CCDC102A: variants seen among roughly 807,000 people sequenced by gnomAD.
CCDC102A encodes coiled-coil domain containing 102A, also known as coiled-coil domain-containing protein 102A.
A neutral mutation model predicts 55.5 loss-of-function variants in CCDC102A; 40 were observed. The observed-to-expected ratio is 0.72, with a 90% confidence interval of 0.56 to 0.94. The LOEUF (loss-of-function observed/expected upper bound fraction) is 0.94, where lower values mean the gene tolerates loss of function less well. Among genes scored for constraint, CCDC102A ranks in the 40% least tolerant of loss-of-function variants. CCDC102A has a pLI of 0.00. For synonymous variants in CCDC102A, 323 were observed against 339.0 expected, an observed-to-expected ratio of 0.95 and a Z score of 0.52; for missense variants, 779 against 768.6, an observed-to-expected ratio of 1.01 and a Z score of -0.16.
In CCDC102A at chr16:57,528,760, G is replaced by T. The variant is rs192319254; in HGVS notation, c.418C>A (p.Arg140=). 3.0e-3 allele frequency: 3,583 copies of T among 1,180,394 alleles called. 94 individuals carry two copies. In the African/African-American group the frequency reaches 0.056, roughly 18 times the overall value. The allele number at this position is 1,180,394 out of a possible 1,614,324, so 73.1% of individuals were successfully genotyped here. The change falls in exon 2 of 9, where the codon CGG becomes AGG. Residue 140 remains arginine (R), a synonymous_variant. Transcript: ENST00000258214. ...DALTKELAGA[R]RERQEAQGEC... The stretch of plus-strand genomic sequence containing the variant: ...CCCTGCGCCTCTTGGCGCTCGCGCC[G>T]TGCGCCCGCCAGCTCCTTGGTGAGC...
chr16:57,536,223 G>A (rs2032383511), intron 1 of CCDC102A, among the ~76,000 whole-genome samples: 1 of 142,466 alleles, frequency 7.0e-6, no homozygotes, highest in African/African-American at 2.6e-5. Context: ...CCTCCCGTCC[G>A]GCCCGGGCCG....
intron 1 of CCDC102A, among the ~76,000 whole-genome samples, chr16:57,533,453 CACAT>C (rs1308210625): frequency 5.3e-5 from 8 of 152,082 alleles, no homozygotes; most frequent in Non-Finnish European, 8.8e-5. Flanking sequence ...GACACACACT[CACAT>C]ACAGCCCCAG....
rs768517258 is a variant in CCDC102A at position 57,529,785 on chromosome 16, T to C, written c.-147-461A>G. Among the ~76,000 whole-genome samples the C allele has an allele frequency of 7.9e-5, 12 of 152,172 alleles. No homozygotes were observed. Among genetic ancestry groups the C allele is most frequent in the Non-Finnish European group, 1.5e-4 (10 of 68,032 alleles). On this transcript the variant is annotated intron_variant, in intron 1 of 8. Coordinates refer to ENST00000258214, the MANE Select transcript of CCDC102A (RefSeq NM_033212.4). This position sits in a 1 kb window ranked among gnomAD's most constrained non-coding sequence, Gnocchi z 4.1. ...TCAGGCCAGGTCCATCAGCCCCTTA[T>C]GTGTCTCCATCACTGCACTAACTTA...
At position 57,528,595 on chromosome 16, in the gene CCDC102A, G is replaced by A; in HGVS notation, c.583C>T (p.Gln195Ter). ...DVGSERPPGS[Q>*]ELELVESLLK... ...AACGCCCCGCCCGCGCCGCGCACCTGGCTGCCTGGCGGCCTCTCGGACCCG... is the reference window on the plus strand; with the variant it reads ...AACGCCCCGCCCGCGCCGCGCACCTAGCTGCCTGGCGGCCTCTCGGACCCG... The change falls in exon 2 of 9, where the codon CAG becomes TAG. Residue 195 changes from glutamine (Q) to a stop codon, truncating the protein, a stop_gained and splice_region_variant. Coordinates refer to ENST00000258214, the MANE Select transcript of CCDC102A (RefSeq NM_033212.4). LOFTEE classifies it high-confidence loss of function. 1 of 1,257,270 alleles carries A rather than the reference G, an allele frequency of 8.0e-7. No individual in the cohort carries two copies. Among genetic ancestry groups the A allele is most frequent in the Non-Finnish European group, 1.0e-6 (1 of 994,130 alleles). 77.9% of individuals were successfully genotyped at this position (1,257,270 alleles called of 1,614,324 possible). A position where few individuals can be genotyped will look rare whatever the true frequency, so the allele number is the denominator to read the frequency against.
intron 3 of CCDC102A, among the ~76,000 whole-genome samples, chr16:57,521,944 T>C (rs2032058500): frequency 6.6e-6 from 1 of 152,220 alleles, no homozygotes; most frequent in South Asian, 2.1e-4. Context: ...GTAGGAGGCA[T>C]GTTGAAAACC....
chr16:57,524,165 G>A (rs373214132), intron 3 of CCDC102A, among the ~76,000 whole-genome samples: 53 of 152,056 alleles, frequency 3.5e-4, no homozygotes, highest in African/African-American at 1.3e-3. Flanking sequence ...GCCTTGCAGG[G>A]AACATAGTCT....
In CCDC102A at chr16:57,518,675, GCTCAT is replaced by G; in HGVS notation, c.983_987del (p.Asp328AlafsTer43). ...CGGTCCATGCTGGAGCGTGCACCGA[GCTCAT>G]CTTCCAGGTCCTCAGACATGCGGCC... On this transcript the variant is annotated frameshift_variant, in exon 5 of 9. Coordinates refer to ENST00000258214, the MANE Select transcript of CCDC102A (RefSeq NM_033212.4). LOFTEE classifies it high-confidence loss of function. 1 of 1,613,820 alleles carries G rather than the reference GCTCAT, an allele frequency of 6.2e-7. No homozygotes were observed.
At chr16:57,526,658 C>T (rs1293658711) in intron 2 of CCDC102A, among the ~76,000 whole-genome samples, 3 of 152,164 alleles carry the variant, frequency 2.0e-5, no homozygotes, top group African/African-American at 7.2e-5. Flanking sequence ...TGCCCTTCTT[C>T]TCCGCCCCGC....
At chr16:57,535,077 T>C (rs1255133713) in intron 1 of CCDC102A, among the ~76,000 whole-genome samples, 1 of 152,160 alleles carries the variant, frequency 6.6e-6, no homozygotes, top group East Asian at 1.9e-4. Flanking sequence ...GACAAGCCCA[T>C]GGCCACAGGC....
At chr16:57,517,088 G>A (rs1331195984) in intron 6 of CCDC102A, among the ~76,000 whole-genome samples, 1 of 151,956 alleles carries the variant, frequency 6.6e-6, no homozygotes, top group African/African-American at 2.4e-5. Context: ...CCCCCAGCCT[G>A]TCTTCCCATC....
In CCDC102A at chr16:57,532,257, C is replaced by T. The variant is rs1369465370; in HGVS notation, c.-147-2933G>A. On this transcript the variant is annotated intron_variant, in intron 1 of 8. Transcript: ENST00000258214. ...TAGTCTGGGATATTTGAGTATTTGG[C>T]GATGCTTTCTTACTACCCACAGTTC... is the stretch of plus-strand genomic sequence containing the variant. Among the ~76,000 whole-genome samples the T allele has an allele frequency of 3.3e-5, 5 of 152,136 alleles. 1 individual carries two copies. The highest frequency in any genetic ancestry group is 2.0e-4 in the Admixed American group (3 of 15,258).
In CCDC102A at chr16:57,521,011, A is replaced by T. The variant is rs1350514638; in HGVS notation, c.921+57T>A. 3 of 1,111,584 alleles carry T rather than the reference A, an allele frequency of 2.7e-6. No individual in the cohort carries two copies. In the African/African-American group the frequency reaches 4.6e-5, roughly 17 times the overall value. The allele number at this position is 1,111,584 out of a possible 1,614,324, so 68.9% of individuals were successfully genotyped here. On this transcript the variant is annotated intron_variant, in intron 4 of 8. Coordinates refer to ENST00000258214, the MANE Select transcript of CCDC102A (RefSeq NM_033212.4). ...TTCTCTCTTCCATCTCCACTACTGA[A>T]ATTCAACAGCGCGATCCTGCCGCCT...
intron 8 of CCDC102A, 121 bp downstream of exon 8, chr16:57,515,220 C>T (rs1470504256): frequency 2.6e-5 from 18 of 699,592 alleles, no homozygotes; most frequent in Non-Finnish European, 4.3e-5. Context: ...GATTCTGGCT[C>T]CAGGCACCTG....
Position 57,518,080 on chromosome 16 carries a change from G to C in CCDC102A, c.1236C>G (p.Phe412Leu), listed in dbSNP as rs140543635. ...CTCCTTGCCCCACCTTGTTCTTCTCGAAGAGCGCGGCCTGGCTGGCCCTCA... is the reference window on the plus strand; with the variant it reads ...CTCCTTGCCCCACCTTGTTCTTCTCCAAGAGCGCGGCCTGGCTGGCCCTCA... ...CDLRASQAAL[F>L]EKNKELADLK... Residue 412 changes from phenylalanine to leucine, a missense_variant, in exon 6 of 9, where the codon TTC becomes TTG. Coordinates refer to ENST00000258214, the MANE Select transcript of CCDC102A (RefSeq NM_033212.4). 5.6e-6 allele frequency: 9 copies of C among 1,599,016 alleles called. No individual in the cohort carries two copies. Among genetic ancestry groups the C allele is most frequent in the Non-Finnish European group, 6.0e-6 (7 of 1,174,924 alleles).
intron 4 of CCDC102A, among the ~76,000 whole-genome samples, chr16:57,519,722 C>T (rs970926926): frequency 6.6e-6 from 1 of 152,188 alleles, no homozygotes; most frequent in Non-Finnish European, 1.5e-5. Context: ...TTTGAAAAGA[C>T]TAAAAGAACA....
intron 1 of CCDC102A, among the ~76,000 whole-genome samples, chr16:57,530,170 C>A (rs1407519384): frequency 6.6e-6 from 1 of 152,130 alleles, no homozygotes; most frequent in Non-Finnish European, 1.5e-5. Flanking sequence ...CCCTTCTCTG[C>A]CGGAACCACC....
Position 57,528,938 on chromosome 16 carries a change from C to T in CCDC102A, c.240G>A (p.Leu80=), listed in dbSNP as rs1399627053. ...ESREELRLRE[L]EEARARAAQM... ...GCGCCGCCCGCGCCCGCGCCTCCTC[C>T]AGCTCCCGCAGCCGCAGCTCCTCGC... is the stretch of plus-strand genomic sequence containing the variant. Residue 80 remains leucine (L), a synonymous_variant, in exon 2 of 9, where the codon CTG becomes CTA. Transcript: ENST00000258214. 1.6e-5 allele frequency: 22 copies of T among 1,391,730 alleles called. No individual in the cohort carries two copies. Among genetic ancestry groups the T allele is most frequent in the Non-Finnish European group, 2.0e-5 (21 of 1,061,680 alleles). The allele number at this position is 1,391,730 out of a possible 1,614,324, so 86.2% of individuals were successfully genotyped here.
rs114761341 is a variant in CCDC102A at position 57,512,278 on chromosome 16, C to T, written c.*463G>A. The T allele has an allele frequency of 0.015, 6,007 of 397,496 alleles. 81 individuals are homozygous for T. The highest frequency in any genetic ancestry group is 0.096 in the South Asian group (701 of 7,298). The allele number at this position is 397,496 out of a possible 1,614,324, so 24.6% of individuals were successfully genotyped here. A position where few individuals can be genotyped will look rare whatever the true frequency, so the allele number is the denominator to read the frequency against. ...CGTCCCCCACAACCCCCGCCCACAT[C>T]TGCCATACTTTCAGATGCCCCAAGA... On this transcript the variant is annotated 3_prime_UTR_variant, in exon 9 of 9. Transcript: ENST00000258214.
rs545028607 is a variant in CCDC102A at position 57,517,292 on chromosome 16, C to A, written c.1248+776G>T. Among the ~76,000 whole-genome samples the A allele has an allele frequency of 1.1e-4, 16 of 152,298 alleles. No individual in the cohort carries two copies. In the South Asian group the frequency reaches 3.3e-3, roughly 32 times the overall value. On this transcript the variant is annotated intron_variant, in intron 6 of 8. Coordinates refer to ENST00000258214, the MANE Select transcript of CCDC102A (RefSeq NM_033212.4). ...TTCCTAACTTCTCTCCATCCCCTCC[C>A]CTAAATCCGCACACTACCAGTTAAC...
Sources: allele counts gnomAD v4.1 joint callset (sites outside exome capture counted in the v4.1 genomes callset), GRCh38; gene constraint gnomAD v4.1.1; non-coding constraint Gnocchi (gnomAD v3.1); transcripts MANE v1.5; gene names NCBI Gene and HGNC (gene_info 2026-07-23, HGNC 2026-07-21).